LRRC9: variants seen among roughly 807,000 people sequenced by gnomAD.
The protein encoded by LRRC9 is leucine rich repeat containing 9.
Under a neutral mutation model 63.2 loss-of-function variants are expected in LRRC9, and 122 were observed. The ratio of observed to expected loss-of-function variants is 1.93; its 90% CI spans 1.67 to 2.24. LRRC9 has a LOEUF of 2.24. Among genes scored for constraint, LRRC9 ranks in the 30% most tolerant of loss-of-function variants. LRRC9 has a pLI of 0.00. For missense variants in LRRC9, 1,071 were observed against 627.7 expected (o/e 1.71, Z -7.55); for synonymous variants, 366 against 213.1 (o/e 1.72, Z -6.25).
exon 32 of LRRC9, chr14:60,063,346 G>T: frequency 1.4e-6 from 1 of 699,932 alleles, no homozygotes; most frequent in Non-Finnish European, 2.6e-6. Flanking sequence ...AACTTTCCAA[G>T]ATCAAATCGA....
rs574380593 is a variant in LRRC9, at chr14:60,041,568, C to T, written c.3990+9505C>T. ...AAGCTTGTGCATATGTCACGCAGTT[C>T]TCCTGCCATGGTTTTCAGCTCCATC... On this transcript the variant is annotated intron_variant, in intron 29 of 31. Transcript: ENST00000445360. Among the ~76,000 whole-genome samples, 8 of 152,318 alleles carry T rather than the reference C, an allele frequency of 5.3e-5. No homozygotes were observed. In the East Asian group the frequency reaches 1.5e-3, roughly 29 times the overall value.
chr14:60,044,602 G>T (rs1187268072), intron 29 of LRRC9, among the ~76,000 whole-genome samples: 2 of 152,028 alleles, frequency 1.3e-5, no homozygotes, highest in Admixed American at 1.3e-4. Flanking sequence ...ATTTTCCAAG[G>T]TTCCTCTTGT....
rs76243858 is a variant in LRRC9, at chr14:59,923,514, C to A, written c.-34+3631C>A. On this transcript the variant is annotated intron_variant, in intron 1 of 31. Transcript: ENST00000445360. The surrounding 1 kb of genome is among the most constrained non-coding windows in gnomAD (Gnocchi z 4.2). ...GCAACCTCAACCAAAATCCCAACTG[C>A]ATTTTTTAAAACTAAATACAAAATA... Among the ~76,000 whole-genome samples the A allele has an allele frequency of 3.4e-3, 513 of 152,232 alleles. 18 individuals are homozygous for A. In the East Asian group the frequency reaches 0.058, roughly 17 times the overall value.
chr14:59,951,788 G>A (rs1883154973), intron 8 of LRRC9, among the ~76,000 whole-genome samples: 1 of 152,126 alleles, frequency 6.6e-6, no homozygotes, highest in African/African-American at 2.4e-5. Flanking sequence ...CTGCTGGGGG[G>A]TAGGCCTCCC....
At chr14:59,954,416 C>A (rs909822146) in intron 8 of LRRC9, among the ~76,000 whole-genome samples, 1 of 152,036 alleles carries the variant, frequency 6.6e-6, no homozygotes, top group East Asian at 1.9e-4. Context: ...TATTCTCTTT[C>A]TAGCAATTGT....
At position 59,959,956 on chromosome 14, in the gene LRRC9, T is replaced by C. The variant is rs148691378; in HGVS notation, c.1021T>C (p.Leu341=). The change falls in exon 9 of 32, where the codon TTG becomes CTG. Residue 341 remains leucine (L), a synonymous_variant. Coordinates refer to ENST00000445360, the Ensembl canonical transcript of LRRC9. The stretch of plus-strand genomic sequence containing the variant: ...AGAACCAAGTCTTCAACAGAAGATA[T>C]TGGCCAAACTAAATGCCTTGAATGA... 2.3e-4 allele frequency: 161 copies of C among 694,740 alleles called. No homozygotes were observed. The East Asian group carries it at 4.0e-3, about 17-fold the overall frequency. 43.0% of individuals were successfully genotyped at this position (694,740 alleles called of 1,614,324 possible).
Position 59,958,285 on chromosome 14 carries a change from G to T in LRRC9, c.883-1533G>T, listed in dbSNP as rs1883994800. ...AGGTGCTCTGTCCCAGGGAAGTGGGGTTTTTGTGTGTAAACCCCTTACTGG... is the reference window on the plus strand; with the variant it reads ...AGGTGCTCTGTCCCAGGGAAGTGGGTTTTTTGTGTGTAAACCCCTTACTGG... On this transcript the variant is annotated intron_variant, in intron 8 of 31. Coordinates refer to ENST00000445360, the Ensembl canonical transcript of LRRC9. The surrounding 1 kb of genome is among the most constrained non-coding windows in gnomAD (Gnocchi z 4.0). 6.6e-6 allele frequency among the ~76,000 whole-genome samples: 1 copy of T among 152,208 alleles called. No individual in the cohort carries two copies. Among genetic ancestry groups the T allele is most frequent in the Non-Finnish European group, 1.5e-5 (1 of 68,038 alleles).
At position 59,964,681 on chromosome 14, in the gene LRRC9, G is replaced by C. The variant is rs1446202842; in HGVS notation, c.1212-1908G>C. On this transcript the variant is annotated intron_variant, in intron 10 of 31. Coordinates refer to ENST00000445360, the Ensembl canonical transcript of LRRC9. This position sits in a 1 kb window ranked among gnomAD's most constrained non-coding sequence, Gnocchi z 4.4. ...CATGTTACTTAGGGGAAATTTGACA[G>C]ATTTAGGCCCAGCAAATGATCCCTC... Among the ~76,000 whole-genome samples, 1 of 152,208 alleles carries C rather than the reference G, an allele frequency of 6.6e-6. No homozygotes were observed. The highest frequency in any genetic ancestry group is 1.5e-5 in the Non-Finnish European group (1 of 68,038).
Position 60,027,465 on chromosome 14 carries a change from C to T in LRRC9, c.3704-419C>T, listed in dbSNP as rs1292795082. Reference sequence around the variant, plus strand: ...GCATAATTAATGTGTATTCTTCTAACATAATACAACAAATTAGTCTATTTT... The same window carrying T: ...GCATAATTAATGTGTATTCTTCTAATATAATACAACAAATTAGTCTATTTT... On this transcript the variant is annotated intron_variant, in intron 27 of 31. Coordinates refer to ENST00000445360, the Ensembl canonical transcript of LRRC9. The surrounding 1 kb of genome is among the most constrained non-coding windows in gnomAD (Gnocchi z 4.0). Among the ~76,000 whole-genome samples, 2 of 152,030 alleles carry T rather than the reference C, an allele frequency of 1.3e-5. No individual in the cohort carries two copies. Among genetic ancestry groups the T allele is most frequent in the Non-Finnish European group, 2.9e-5 (2 of 67,980 alleles).
At chr14:59,968,301 T>C (rs1315068965) in intron 12 of LRRC9, among the ~76,000 whole-genome samples, 1 of 152,138 alleles carries the variant, frequency 6.6e-6, no homozygotes, top group African/African-American at 2.4e-5. Context: ...TACTGTTTAA[T>C]GGGTACAGAG....
intron 8 of LRRC9, among the ~76,000 whole-genome samples, chr14:59,949,647 T>G (rs1292653301): frequency 1.3e-5 from 2 of 151,186 alleles, no homozygotes; most frequent in Admixed American, 1.3e-4. Flanking sequence ...TGCTATAAAT[T>G]TCCCTCTACA....
Position 59,928,462 on chromosome 14 carries a change from T to C in LRRC9, c.243T>C (p.Leu81=), listed in dbSNP as rs183379594. ...AGCCTTGTTTACAACTTAAAGAACT[T>C]TGGATTGCTGAGTGCTGCATAGAGG... The change falls in exon 3 of 32, where the codon CTT becomes CTC. Residue 81 remains leucine (L), a synonymous_variant. Coordinates refer to ENST00000445360, the Ensembl canonical transcript of LRRC9. The C allele has an allele frequency of 8.1e-5, 56 of 690,746 alleles. No individual in the cohort carries two copies. The African/African-American group carries it at 9.5e-4, about 12-fold the overall frequency. 42.8% of individuals were successfully genotyped at this position (690,746 alleles called of 1,614,324 possible). A position where few individuals can be genotyped will look rare whatever the true frequency, so the allele number is the denominator to read the frequency against.
At chr14:59,968,271 G>A (rs1885066690) in intron 12 of LRRC9, among the ~76,000 whole-genome samples, 1 of 152,204 alleles carries the variant, frequency 6.6e-6, no homozygotes, top group Non-Finnish European at 1.5e-5. Context: ...AAGGCTCTGG[G>A]AGAGGAGGAG....
At chr14:60,015,993 C>T (rs1173601730) in intron 23 of LRRC9, among the ~76,000 whole-genome samples, 4 of 152,080 alleles carry the variant, frequency 2.6e-5, no homozygotes, top group African/African-American at 9.7e-5. Context: ...TCCCCTTTCC[C>T]GATCCTTTGA....
Position 60,046,535 on chromosome 14 carries a change from T to C in LRRC9, c.3991-6530T>C, listed in dbSNP as rs902993301. 2.6e-5 allele frequency among the ~76,000 whole-genome samples: 4 copies of C among 152,232 alleles called. 1 individual carries two copies. The South Asian group carries it at 8.3e-4, about 32-fold the overall frequency. On this transcript the variant is annotated intron_variant, in intron 29 of 31. Coordinates refer to ENST00000445360, the Ensembl canonical transcript of LRRC9. ...CACCATTTATTAAATAGGGAATCCT[T>C]TCCCCATTGCTTGTTTTTGTTGGGT...
intron 8 of LRRC9, among the ~76,000 whole-genome samples, chr14:59,952,506 G>A (rs985865962): frequency 1.3e-5 from 2 of 152,092 alleles, no homozygotes; most frequent in Non-Finnish European, 2.9e-5. Flanking sequence ...GTTCCTATTC[G>A]GCCATCTTGG....
Position 59,991,279 on chromosome 14 carries a change from C to T in LRRC9, c.2211+6055C>T, listed in dbSNP as rs995061403. ...ATTTCTATGCCCTTCTTGCATGCTT[C>T]TCATATAAATGAGGTAAGTTGGTTC... On this transcript the variant is annotated intron_variant, in intron 17 of 31. Coordinates refer to ENST00000445360, the Ensembl canonical transcript of LRRC9. 5.9e-5 allele frequency among the ~76,000 whole-genome samples: 9 copies of T among 152,244 alleles called. No individual in the cohort carries two copies. The South Asian group carries it at 1.0e-3, about 18-fold the overall frequency.
At chr14:59,977,990 C>T (rs45546338) in intron 14 of LRRC9, 27 bp from the exon 15 acceptor site, 14,788 of 684,354 alleles carry the variant, frequency 0.022, 262 homozygotes, top group Middle Eastern at 0.048. Flanking sequence ...AATGTGTTTG[C>T]TTTGCTTGTT....
At chr14:59,977,379 A>G (rs912688453) in intron 14 of LRRC9, 32 bp downstream of exon 14, 2 of 638,244 alleles carry the variant, frequency 3.1e-6, no homozygotes, top group African/African-American at 1.8e-5. Context: ...ATGTGGTTTT[A>G]TCTCTCTGAA....
Sources: gnomAD v4.1 joint callset for allele counts (sites outside exome capture counted in the v4.1 genomes callset) on GRCh38, gnomAD v4.1.1 for gene constraint, Gnocchi (gnomAD v3.1) non-coding constraint, MANE v1.5 for transcripts, NCBI Gene and HGNC (gene_info 2026-07-23, HGNC 2026-07-21) for gene names.